EXOC6B: variants seen among roughly 807,000 people sequenced by gnomAD.
EXOC6B encodes exocyst complex component 6B.
In EXOC6B, 54 loss-of-function variants were observed where a neutral mutation model predicts 113.5. That is an observed-to-expected ratio of 0.48 (90% CI 0.38 to 0.60). The LOEUF (loss-of-function observed/expected upper bound fraction) is 0.60, where lower values mean the gene tolerates loss of function less well. Ranked by LOEUF, EXOC6B falls within the 20% of genes least tolerant of loss-of-function variation. The probability of loss-of-function intolerance (pLI) is 0.00; values close to 1 mark genes in which losing one functional copy is unlikely to be tolerated. For synonymous variants in EXOC6B, 357 were observed against 339.0 expected (o/e 1.05, Z -0.58); for missense variants, 797 against 977.5 (o/e 0.82, Z 2.46).
At chr2:72,731,103 A>C (rs927455238) in intron 4 of EXOC6B, 51 bp from the exon 5 acceptor site, 5 of 1,573,338 alleles carry the variant, frequency 3.2e-6, no homozygotes, top group Non-Finnish European at 4.3e-6. Flanking sequence ...AAGCCTAATT[A>C]AAGCAAAAAA....
chr2:72,764,923 T>C (rs1211001267), intron 1 of EXOC6B, among the ~76,000 whole-genome samples: 1 of 152,174 alleles, frequency 6.6e-6, no homozygotes, highest in African/African-American at 2.4e-5. Context: ...TGTAAATCTC[T>C]TTCTTGAAAT....
At chr2:72,764,602 C>G (rs1173317492) in intron 1 of EXOC6B, among the ~76,000 whole-genome samples, 2 of 151,900 alleles carry the variant, frequency 1.3e-5, no homozygotes, top group Non-Finnish European at 2.9e-5. Flanking sequence ...CTCCTGGGCT[C>G]AACCAATCCT....
chr2:72,761,529 T>A (rs1444869596), intron 1 of EXOC6B, among the ~76,000 whole-genome samples: 2 of 152,142 alleles, frequency 1.3e-5, no homozygotes, highest in East Asian at 3.8e-4. Context: ...TCTTTTTTTT[T>A]AATGTTCAAA....
chr2:72,585,611 G>A (rs1705515876), intron 6 of EXOC6B, among the ~76,000 whole-genome samples: 1 of 151,566 alleles, frequency 6.6e-6, no homozygotes, highest in Admixed American at 6.6e-5. Context: ...AATGACAAAG[G>A]TGATATTACA....
chr2:72,730,256 T>C (rs1350977496), intron 5 of EXOC6B, among the ~76,000 whole-genome samples: 1 of 152,332 alleles, frequency 6.6e-6, no homozygotes, highest in African/African-American at 2.4e-5. Context: ...AACATTATTC[T>C]AGATGTTTCT....
chr2:72,356,676 A>G (rs1449204545), intron 19 of EXOC6B, among the ~76,000 whole-genome samples: 2 of 152,200 alleles, frequency 1.3e-5, no homozygotes, highest in African/African-American at 2.4e-5. Flanking sequence ...ACCTTATTAC[A>G]TAGCCATTGA....
At chr2:72,643,244 C>T (rs936512184) in intron 6 of EXOC6B, among the ~76,000 whole-genome samples, 2 of 151,552 alleles carry the variant, frequency 1.3e-5, no homozygotes, top group African/African-American at 4.9e-5. Flanking sequence ...ACCATTTGAC[C>T]CAGCCATCCC....
At chr2:72,816,532 G>A (rs985625102) in intron 1 of EXOC6B, among the ~76,000 whole-genome samples, 2 of 152,150 alleles carry the variant, frequency 1.3e-5, no homozygotes, top group Admixed American at 1.3e-4. Flanking sequence ...TGGGGAAATA[G>A]AAGGAATGAG....
intron 17 of EXOC6B, among the ~76,000 whole-genome samples, chr2:72,468,883 C>A (rs1229769783): frequency 6.6e-6 from 1 of 152,068 alleles, no homozygotes; most frequent in Non-Finnish European, 1.5e-5. Context: ...ACATTACTTG[C>A]ATAATAATCT....
chr2:72,443,734 A>G (rs1215677779), intron 18 of EXOC6B, among the ~76,000 whole-genome samples: 3 of 152,190 alleles, frequency 2.0e-5, no homozygotes, highest in Non-Finnish European at 4.4e-5. Flanking sequence ...TAAAAACATC[A>G]TATCTCATGA....
intron 19 of EXOC6B, 69 bp downstream of exon 19, chr2:72,379,660 C>G (rs1004367964): frequency 1.3e-5 from 20 of 1,514,494 alleles, no homozygotes; most frequent in Admixed American, 2.0e-5. Flanking sequence ...ACACCTAAAA[C>G]TTTTTTTCCC....
chr2:72,497,403 A>T (rs776763106), intron 13 of EXOC6B, among the ~76,000 whole-genome samples: 1 of 152,146 alleles, frequency 6.6e-6, no homozygotes, highest in Non-Finnish European at 1.5e-5. Flanking sequence ...GACTTTTTTT[A>T]AATCGATAGG....
intron 6 of EXOC6B, among the ~76,000 whole-genome samples, chr2:72,637,528 C>G (rs1672931297): frequency 1.2e-5 from 1 of 81,386 alleles, no homozygotes; most frequent in Non-Finnish European, 3.6e-5. Flanking sequence ...GTGGCTCGCA[C>G]CTGTAATCCC....
intron 13 of EXOC6B, among the ~76,000 whole-genome samples, chr2:72,496,998 G>A (rs1700072197): frequency 6.8e-6 from 1 of 146,616 alleles, no homozygotes; most frequent in African/African-American, 2.5e-5. Context: ...ATTAGAGACA[G>A]GGTCTCGCTC....
intron 6 of EXOC6B, among the ~76,000 whole-genome samples, chr2:72,618,700 A>C (rs1028455858): frequency 2.0e-5 from 3 of 152,238 alleles, no homozygotes; most frequent in African/African-American, 7.2e-5. Flanking sequence ...AATGGAAAAA[A>C]AGATGGATGT....
intron 6 of EXOC6B, among the ~76,000 whole-genome samples, chr2:72,650,678 T>C (rs1260230947): frequency 6.6e-6 from 1 of 151,328 alleles, no homozygotes; most frequent in Non-Finnish European, 1.5e-5. Flanking sequence ...CATAGAAATA[T>C]ATTTACTGAA....
intron 1 of EXOC6B, among the ~76,000 whole-genome samples, chr2:72,797,286 T>C (rs985373592): frequency 5.9e-5 from 9 of 152,226 alleles, no homozygotes; most frequent in African/African-American, 1.7e-4. Flanking sequence ...GCTATATCTC[T>C]GCCTAGTCCT....
Position 72,567,092 on chromosome 2 carries a change from G to T in EXOC6B, c.847-7571C>A, listed in dbSNP as rs546139747. Among the ~76,000 whole-genome samples, 481 of 151,882 alleles carry T rather than the reference G, an allele frequency of 3.2e-3. 2 individuals are homozygous for T. The highest frequency in any genetic ancestry group is 0.011 in the African/African-American group (457 of 41,454). On this transcript the variant is annotated intron_variant, in intron 7 of 21. Coordinates refer to ENST00000272427, the MANE Select transcript of EXOC6B (RefSeq NM_015189.3). ...TATCTTCTTATATAGTTTTGCCTTT[G>T]AATCATGTTCATATTTTAAATAGTC... is the stretch of plus-strand genomic sequence containing the variant.
intron 1 of EXOC6B, among the ~76,000 whole-genome samples, chr2:72,748,596 AC>A (rs1290182852): frequency 1.3e-5 from 2 of 152,072 alleles, no homozygotes; most frequent in Non-Finnish European, 2.9e-5. Flanking sequence ...TTGTACTGCC[AC>A]AGGAGATCAA....
Sources: gnomAD v4.1 joint callset for allele counts (sites outside exome capture counted in the v4.1 genomes callset) on GRCh38, gnomAD v4.1.1 for gene constraint, MANE v1.5 for transcripts, NCBI Gene and HGNC (gene_info 2026-07-23, HGNC 2026-07-21) for gene names.